Variants in KIZ observed in about 807,000 individuals in gnomAD.
KIZ encodes the protein kizuna centrosomal protein, also known as centrosomal protein kizuna.
Under a neutral mutation model 79.6 loss-of-function variants are expected in KIZ, and 68 were observed. That is an observed-to-expected ratio of 0.85 (90% CI 0.70 to 1.05). KIZ has a LOEUF of 1.05. Among genes scored for constraint, KIZ ranks in the 50% least tolerant of loss-of-function variants. The pLI is 0.00. For synonymous variants in KIZ, 280 were observed against 281.8 expected, an observed-to-expected ratio of 0.99 and a Z score of 0.06; for missense variants, 797 against 800.4, an observed-to-expected ratio of 1.00 and a Z score of 0.05.
chr20:21,162,849 G>A lies in KIZ; in HGVS notation c.1043-1G>A. ...TAATCAGTTCATGTCGCCACTTGCA[G>A]ATCATCTTGCTCACAGGGAACCAAA... On this transcript the variant is annotated splice_acceptor_variant, in intron 5 of 12. Transcript: ENST00000619189. LOFTEE classifies it high-confidence loss of function. 2 of 1,610,056 alleles carry A rather than the reference G, an allele frequency of 1.2e-6. No individual in the cohort carries two copies. The highest frequency in any genetic ancestry group is 1.7e-6 in the Non-Finnish European group (2 of 1,177,836).
chr20:21,239,872 G>A (rs1462184137), intron 11 of KIZ, among the ~76,000 whole-genome samples: 1 of 152,184 alleles, frequency 6.6e-6, no homozygotes, highest in Non-Finnish European at 1.5e-5. Flanking sequence ...GATTAGCATT[G>A]TCCTAATCTG....
At chr20:21,208,094 T>G (rs1418044763) in intron 7 of KIZ, among the ~76,000 whole-genome samples, 2 of 152,208 alleles carry the variant, frequency 1.3e-5, no homozygotes, top group Non-Finnish European at 2.9e-5. Flanking sequence ...ACAACATTAT[T>G]TCCCATGCTT....
At chr20:21,185,804 C>T (rs2034854757) in intron 6 of KIZ, among the ~76,000 whole-genome samples, 1 of 148,318 alleles carries the variant, frequency 6.7e-6, no homozygotes, top group African/African-American at 2.5e-5. Context: ...CTCAACCTCC[C>T]AGGTTCAAGC....
At chr20:21,166,066 A>G (rs925618608) in intron 6 of KIZ, 7 of 614,630 alleles carry the variant, frequency 1.1e-5, no homozygotes, top group African/African-American at 1.9e-5. Context: ...TCCTGGGTTC[A>G]AGCAATTCTC....
rs536879390 is a variant in KIZ at position 21,243,507 on chromosome 20, A to G, written c.1881-738A>G. Among the ~76,000 whole-genome samples the G allele has an allele frequency of 7.6e-4, 115 of 152,220 alleles. 1 individual carries two copies. The highest frequency in any genetic ancestry group is 2.6e-3 in the African/African-American group (108 of 41,518). Reference sequence around the variant, plus strand: ...TGCACCAAGAATGGTTTCTCTCCCAACATCTCCTGTGACCATTCAGGCAAT... The same window carrying G: ...TGCACCAAGAATGGTTTCTCTCCCAGCATCTCCTGTGACCATTCAGGCAAT... On this transcript the variant is annotated intron_variant, in intron 11 of 12. Coordinates refer to ENST00000619189, the MANE Select transcript of KIZ (RefSeq NM_018474.6).
chr20:21,211,722 T>C (rs2036075360), intron 7 of KIZ, among the ~76,000 whole-genome samples: 1 of 152,242 alleles, frequency 6.6e-6, no homozygotes, highest in Non-Finnish European at 1.5e-5. Flanking sequence ...GAGGTTTCCT[T>C]AGAAATACAC....
chr20:21,157,623 T>C (rs2033446033), intron 4 of KIZ, among the ~76,000 whole-genome samples: 1 of 152,252 alleles, frequency 6.6e-6, no homozygotes, highest in African/African-American at 2.4e-5. Context: ...CTGTTGTTTC[T>C]CTCCAGTTCT....
intron 6 of KIZ, among the ~76,000 whole-genome samples, chr20:21,175,466 A>G (rs2034394118): frequency 6.6e-6 from 1 of 152,170 alleles, no homozygotes; most frequent in Non-Finnish European, 1.5e-5. Flanking sequence ...TTTGCCAGCC[A>G]TCTCACCATA....
intron 11 of KIZ, 70 bp from the exon 12 acceptor site, chr20:21,244,175 G>A (rs539236264): frequency 5.6e-5 from 61 of 1,084,618 alleles, no homozygotes; most frequent in South Asian, 1.2e-4. Context: ...TCTCTAATGC[G>A]TTCATTATGA....
chr20:21,243,974 A>T (rs2037305786), intron 11 of KIZ, among the ~76,000 whole-genome samples: 1 of 152,132 alleles, frequency 6.6e-6, no homozygotes, highest in Admixed American at 6.5e-5. Flanking sequence ...ACGTGGCCCC[A>T]CACAGGCACA....
At chr20:21,208,123 A>G (rs1055421109) in intron 7 of KIZ, among the ~76,000 whole-genome samples, 3 of 152,170 alleles carry the variant, frequency 2.0e-5, no homozygotes, top group African/African-American at 7.2e-5. Flanking sequence ...CAAGTACATC[A>G]CATTCAGGCA....
At chr20:21,209,347 A>G (rs1468343431) in intron 7 of KIZ, among the ~76,000 whole-genome samples, 1 of 152,196 alleles carries the variant, frequency 6.6e-6, no homozygotes, top group Non-Finnish European at 1.5e-5. Context: ...AAAATACAAG[A>G]TGCCTTAATA....
chr20:21,146,375 C>T (rs1027842337), intron 4 of KIZ, among the ~76,000 whole-genome samples: 1 of 152,208 alleles, frequency 6.6e-6, no homozygotes, highest in African/African-American at 2.4e-5. Flanking sequence ...GAAAAGCCAA[C>T]AGCGTGCTTG....
At chr20:21,162,787 G>A (rs2033739178) in intron 5 of KIZ, 63 bp from the exon 6 acceptor site, 3 of 1,302,794 alleles carry the variant, frequency 2.3e-6, no homozygotes, top group Middle Eastern at 2.0e-4. Context: ...TAATTCTGCT[G>A]TGTGTTACCT....
chr20:21,169,117 A>G (rs1222634261), intron 6 of KIZ, among the ~76,000 whole-genome samples: 1 of 152,208 alleles, frequency 6.6e-6, no homozygotes, highest in African/African-American at 2.4e-5. Flanking sequence ...TCTGCACAGC[A>G]AAAGAAACAA....
intron 6 of KIZ, among the ~76,000 whole-genome samples, chr20:21,170,122 G>T (rs1258093681): frequency 6.6e-6 from 1 of 151,794 alleles, no homozygotes; most frequent in African/African-American, 2.4e-5. Context: ...GTCTGTTTTT[G>T]GTATGGGGTT....
At chr20:21,175,477 T>G (rs917472480) in intron 6 of KIZ, among the ~76,000 whole-genome samples, 1 of 152,150 alleles carries the variant, frequency 6.6e-6, no homozygotes, top group Non-Finnish European at 1.5e-5. Context: ...TCTCACCATA[T>G]GGGATTCTAG....
chr20:21,237,800 C>T (rs2037070208), intron 11 of KIZ, among the ~76,000 whole-genome samples: 1 of 152,142 alleles, frequency 6.6e-6, no homozygotes, highest in Non-Finnish European at 1.5e-5. Context: ...TCCCAGTACC[C>T]TCCCTCCCGC....
chr20:21,243,676 A>G (rs141254328), intron 11 of KIZ, among the ~76,000 whole-genome samples: 28 of 152,344 alleles, frequency 1.8e-4, no homozygotes, highest in African/African-American at 6.7e-4. Context: ...TATTGGCCTC[A>G]GTCGAGACGG....
Sources: allele counts gnomAD v4.1 joint callset (sites outside exome capture counted in the v4.1 genomes callset), GRCh38; gene constraint gnomAD v4.1.1; transcripts MANE v1.5; gene names NCBI Gene and HGNC (gene_info 2026-07-23, HGNC 2026-07-21).